The following RAB2A variants were observed in gnomAD, a reference collection of about 807,000 sequenced individuals.
RAB2A encodes RAB2A, member RAS oncogene family.
In RAB2A, 7 loss-of-function variants were observed where a neutral mutation model predicts 32.5. That is an observed-to-expected ratio of 0.22 (90% CI 0.12 to 0.40). The LOEUF (loss-of-function observed/expected upper bound fraction) is 0.40, where lower values mean the gene tolerates loss of function less well. Ranked by LOEUF, RAB2A falls within the 10% of genes least tolerant of loss-of-function variation. The pLI is 1.00. For missense variants in RAB2A, 108 were observed against 260.7 expected (o/e 0.41, Z 4.03); for synonymous variants, 79 against 85.2 (o/e 0.93, Z 0.40).
intron 1 of RAB2A, among the ~76,000 whole-genome samples, chr8:60,532,233 TGTTA>T (rs1393625601): frequency 1.3e-5 from 2 of 152,236 alleles, no homozygotes; most frequent in Non-Finnish European, 2.9e-5. Flanking sequence ...TAAATAAATC[TGTTA>T]GTCAGTGGTT....
At chr8:60,556,009 A>G (rs1389221025) in intron 1 of RAB2A, among the ~76,000 whole-genome samples, 2 of 152,220 alleles carry the variant, frequency 1.3e-5, no homozygotes, top group Non-Finnish European at 2.9e-5. Context: ...AATATACACA[A>G]TGGAATACTA....
chr8:60,604,799 G>A (rs1206815276), intron 6 of RAB2A, among the ~76,000 whole-genome samples: 2 of 152,188 alleles, frequency 1.3e-5, no homozygotes, highest in African/African-American at 4.8e-5. Context: ...GAAGTGACCT[G>A]AAACTGGAAC....
intron 6 of RAB2A, among the ~76,000 whole-genome samples, chr8:60,595,424 G>T (rs1804006347): frequency 6.6e-6 from 1 of 152,088 alleles, no homozygotes; most frequent in Admixed American, 6.6e-5. Context: ...AATGTTGGTG[G>T]TCAAAATACA....
chr8:60,590,435 C>G (rs2130852935), intron 5 of RAB2A, among the ~76,000 whole-genome samples: 1 of 149,014 alleles, frequency 6.7e-6, no homozygotes, highest in East Asian at 2.0e-4. Flanking sequence ...TCCTGGAGTT[C>G]AAGACCAGCG....
At chr8:60,593,328 A>C (rs1730838428) in intron 6 of RAB2A, among the ~76,000 whole-genome samples, 1 of 152,148 alleles carries the variant, frequency 6.6e-6, no homozygotes, top group African/African-American at 2.4e-5. Flanking sequence ...CACAGTGATG[A>C]TTTCCCTTGG....
At chr8:60,516,915 T>C (rs545640411), upstream of RAB2A, 5 of 272,370 alleles carry the variant, frequency 1.8e-5, no homozygotes, top group Admixed American at 1.7e-4. Context: ...TCCCCTTTCC[T>C]CCGGCGGCGC....
chr8:60,571,045 A>G (rs181971384), intron 2 of RAB2A, among the ~76,000 whole-genome samples: 1 of 152,298 alleles, frequency 6.6e-6, no homozygotes, highest in Non-Finnish European at 1.5e-5. Context: ...GAGATATACT[A>G]CTTTCAGAGT....
At chr8:60,614,421 T>C (rs1804414566) in intron 6 of RAB2A, among the ~76,000 whole-genome samples, 1 of 152,042 alleles carries the variant, frequency 6.6e-6, no homozygotes, top group Non-Finnish European at 1.5e-5. Context: ...GTGGCAACGA[T>C]TTTTTTCTTA....
At chr8:60,530,833 G>A (rs1200414637) in intron 1 of RAB2A, among the ~76,000 whole-genome samples, 1 of 152,038 alleles carries the variant, frequency 6.6e-6, no homozygotes, top group Non-Finnish European at 1.5e-5. Context: ...GTTTAGACGG[G>A]CACATGTCTT....
At chr8:60,555,123 T>A (rs977534811) in intron 1 of RAB2A, among the ~76,000 whole-genome samples, 1 of 152,214 alleles carries the variant, frequency 6.6e-6, no homozygotes, top group Non-Finnish European at 1.5e-5. Context: ...TATATTTGTC[T>A]TCAATAAATT....
At chr8:60,545,265 T>G (rs1807710350) in intron 1 of RAB2A, among the ~76,000 whole-genome samples, 1 of 152,168 alleles carries the variant, frequency 6.6e-6, no homozygotes, top group African/African-American at 2.4e-5. Context: ...ACGAAAGACG[T>G]GCTAAGTCTC....
intron 3 of RAB2A, among the ~76,000 whole-genome samples, chr8:60,579,965 T>G (rs1803713277): frequency 1.4e-5 from 2 of 146,590 alleles, no homozygotes; most frequent in South Asian, 4.3e-4. Flanking sequence ...ACAATATAGG[T>G]CAATCCGAGT....
chr8:60,563,903 C>T (rs1228015286), intron 2 of RAB2A, among the ~76,000 whole-genome samples: 1 of 152,164 alleles, frequency 6.6e-6, no homozygotes, highest in African/African-American at 2.4e-5. Flanking sequence ...TTTCTTGTCC[C>T]TCTCATGCTG....
chr8:60,538,601 A>C (rs1233839974), intron 1 of RAB2A, among the ~76,000 whole-genome samples: 1 of 152,210 alleles, frequency 6.6e-6, no homozygotes, highest in Non-Finnish European at 1.5e-5. Context: ...GCTGAGGCCT[A>C]CTGGATGTCA....
Position 60,618,191 on chromosome 8 carries a change from G to A in RAB2A, c.475-389G>A, listed in dbSNP as rs558202531. ...GTTTGTAATGCTAATTAGCATGTGC[G>A]TACATCCTTTGTTCTTAATCTTAGG... On this transcript the variant is annotated intron_variant, in intron 6 of 7. Transcript: ENST00000262646. Among the ~76,000 whole-genome samples the A allele has an allele frequency of 1.4e-4, 21 of 152,316 alleles. No individual in the cohort carries two copies. The East Asian group carries it at 1.9e-3, about 14-fold the overall frequency.
chr8:60,604,421 C>G (rs1298348019), intron 6 of RAB2A, among the ~76,000 whole-genome samples: 2 of 152,150 alleles, frequency 1.3e-5, no homozygotes, highest in African/African-American at 2.4e-5. Flanking sequence ...GTGGAAACAA[C>G]TTTGGAACTG....
At chr8:60,576,847 GA>G (rs990532535) in intron 3 of RAB2A, among the ~76,000 whole-genome samples, 1 of 152,068 alleles carries the variant, frequency 6.6e-6, no homozygotes, top group African/African-American at 2.4e-5. Flanking sequence ...GCTGGGAGTT[GA>G]GGGGCTTAGA....
At chr8:60,577,549 G>T (rs1187844739) in intron 3 of RAB2A, among the ~76,000 whole-genome samples, 1 of 151,986 alleles carries the variant, frequency 6.6e-6, no homozygotes, top group East Asian at 1.9e-4. Flanking sequence ...CTGTCACCTG[G>T]AATAGAAGTT....
intron 1 of RAB2A, among the ~76,000 whole-genome samples, chr8:60,528,899 G>A (rs960983874): frequency 1.3e-5 from 2 of 151,996 alleles, no homozygotes; most frequent in Non-Finnish European, 2.9e-5. Flanking sequence ...TAAAAGACTC[G>A]GTAGGATTTT....
Sources: allele counts gnomAD v4.1 joint callset (sites outside exome capture counted in the v4.1 genomes callset), GRCh38; gene constraint gnomAD v4.1.1; transcripts MANE v1.5; gene names NCBI Gene and HGNC (gene_info 2026-07-23, HGNC 2026-07-21).